The following PPP1R12A variants were observed in gnomAD, a reference collection of about 807,000 sequenced individuals.
PPP1R12A encodes myosin binding subunit.
A neutral mutation model predicts 139.6 loss-of-function variants in PPP1R12A; 19 were observed. That is an observed-to-expected ratio of 0.14 (90% CI 0.09 to 0.20). The LOEUF (loss-of-function observed/expected upper bound fraction) is 0.20. Ranked by LOEUF, PPP1R12A falls within the 10% of genes least tolerant of loss-of-function variation. The probability of loss-of-function intolerance (pLI) is 1.00; values close to 1 mark genes in which losing one functional copy is unlikely to be tolerated. For missense variants in PPP1R12A, 925 were observed against 1,211.5 expected, an observed-to-expected ratio of 0.76 and a Z score of 3.51; for synonymous variants, 427 against 420.6, an observed-to-expected ratio of 1.02 and a Z score of -0.19.
At chr12:79,869,683 T>C (rs970200484) in intron 2 of PPP1R12A, among the ~76,000 whole-genome samples, 5 of 152,134 alleles carry the variant, frequency 3.3e-5, no homozygotes, top group Admixed American at 2.0e-4. Flanking sequence ...GTGAAAAATG[T>C]GAAGTGGAAT....
chr12:79,897,181 T>C (rs1885205945), intron 1 of PPP1R12A, among the ~76,000 whole-genome samples: 1 of 152,166 alleles, frequency 6.6e-6, no homozygotes, highest in Non-Finnish European at 1.5e-5. Flanking sequence ...GTATTAAACA[T>C]ACACACCATG....
At chr12:79,853,413 C>T (rs1185343861) in intron 2 of PPP1R12A, among the ~76,000 whole-genome samples, 4 of 152,174 alleles carry the variant, frequency 2.6e-5, no homozygotes, top group African/African-American at 9.7e-5. Flanking sequence ...CTTATTCTCT[C>T]CACCTTTCAG....
chr12:79,815,862 T>C (rs1381080751), intron 9 of PPP1R12A, among the ~76,000 whole-genome samples: 1 of 152,170 alleles, frequency 6.6e-6, no homozygotes, highest in Admixed American at 6.5e-5. Context: ...GATAAGTCAT[T>C]CATAGTTTCT....
intron 1 of PPP1R12A, among the ~76,000 whole-genome samples, chr12:79,889,300 G>C (rs1040677502): frequency 1.3e-5 from 2 of 152,142 alleles, no homozygotes; most frequent in East Asian, 1.9e-4. Context: ...CCTAGTAAAT[G>C]AATGTCACAG....
At chr12:79,868,498 C>G (rs1882226398) in intron 2 of PPP1R12A, among the ~76,000 whole-genome samples, 1 of 150,772 alleles carries the variant, frequency 6.6e-6, no homozygotes, top group South Asian at 2.1e-4. Context: ...TCTCACAGTT[C>G]TGGTGCCTAG....
At chr12:79,800,035 G>A (rs1248647564) in intron 14 of PPP1R12A, among the ~76,000 whole-genome samples, 1 of 152,012 alleles carries the variant, frequency 6.6e-6, no homozygotes, top group Non-Finnish European at 1.5e-5. Flanking sequence ...AGTCAAACAA[G>A]CAAAGATATG....
chr12:79,923,938 G>T (rs1887637288), intron 1 of PPP1R12A, among the ~76,000 whole-genome samples: 1 of 152,102 alleles, frequency 6.6e-6, no homozygotes, highest in African/African-American at 2.4e-5. Flanking sequence ...CAGCTACTCG[G>T]GAGGCTGAGG....
chr12:79,924,877 C>T (rs1218470736), intron 1 of PPP1R12A, among the ~76,000 whole-genome samples: 1 of 152,086 alleles, frequency 6.6e-6, no homozygotes, highest in Non-Finnish European at 1.5e-5. Flanking sequence ...ATCCACACAA[C>T]GTAAAGAGTT....
At chr12:79,831,817 C>G (rs1325164272) in intron 4 of PPP1R12A, among the ~76,000 whole-genome samples, 1 of 152,178 alleles carries the variant, frequency 6.6e-6, no homozygotes, top group Admixed American at 6.6e-5. Context: ...AAACAATATA[C>G]AGCCCTGTAG....
chr12:79,812,213 A>G (rs1267941858), intron 9 of PPP1R12A, among the ~76,000 whole-genome samples: 1 of 152,164 alleles, frequency 6.6e-6, no homozygotes, highest in Non-Finnish European at 1.5e-5. Context: ...GTACTGCTTT[A>G]TATGTCTAAA....
At chr12:79,850,894 T>C (rs1879965476) in intron 2 of PPP1R12A, among the ~76,000 whole-genome samples, 1 of 152,184 alleles carries the variant, frequency 6.6e-6, no homozygotes, top group South Asian at 2.1e-4. Context: ...CCTTCTGCCA[T>C]AATTCTAAGT....
chr12:79,933,735 G>A (rs1327264950), intron 1 of PPP1R12A, among the ~76,000 whole-genome samples: 1 of 152,200 alleles, frequency 6.6e-6, no homozygotes, highest in African/African-American at 2.4e-5. Context: ...TCTCTGGATT[G>A]CCAATAGTTT....
At position 79,812,391 on chromosome 12, in the gene PPP1R12A, CGTGT is replaced by C. The variant is rs1156924649; in HGVS notation, c.1240-2385_1240-2382del. On this transcript the variant is annotated intron_variant, in intron 9 of 24. Coordinates refer to ENST00000450142, the MANE Select transcript of PPP1R12A (RefSeq NM_002480.3). ...CTTTTCTTGACTGACTCTGTGTGTGCGTGTGTGTGTGTGTGTGTGTGTGTGTGTG... is the reference window on the plus strand; with the variant it reads ...CTTTTCTTGACTGACTCTGTGTGTGCGTGTGTGTGTGTGTGTGTGTGTGTG... Among the ~76,000 whole-genome samples the C allele has an allele frequency of 1.2e-3, 159 of 134,604 alleles. 3 individuals carry two copies. The highest frequency in any genetic ancestry group is 3.8e-3 in the African/African-American group (133 of 35,196). The allele number at this position is 134,604 out of a possible 152,430, so 88.3% of individuals were successfully genotyped here. A position where few individuals can be genotyped will look rare whatever the true frequency, so the allele number is the denominator to read the frequency against.
intron 22 of PPP1R12A, among the ~76,000 whole-genome samples, chr12:79,784,588 A>G (rs1870879326): frequency 6.6e-6 from 1 of 152,210 alleles, no homozygotes; most frequent in South Asian, 2.1e-4. Flanking sequence ...GGAGACACAG[A>G]TGAGCTGAGT....
In PPP1R12A at chr12:79,774,076, T is replaced by TAAC; in HGVS notation, c.*1850_*1852dup. The TAAC allele has an allele frequency of 6.6e-6, 1 of 152,288 alleles. No individual in the cohort carries two copies. Among genetic ancestry groups the TAAC allele is most frequent in the East Asian group, 1.9e-4 (1 of 5,174 alleles). The allele number at this position is 152,288 out of a possible 1,614,324, so 9.4% of individuals were successfully genotyped here. On this transcript the variant is annotated 3_prime_UTR_variant, in exon 25 of 25. Coordinates refer to ENST00000450142, the MANE Select transcript of PPP1R12A (RefSeq NM_002480.3). ...TCACAAATATAAACCATAGCATGCC[T>TAAC]AACTGTTGTGCAACCAGAACATGTT...
At chr12:79,910,837 T>C (rs753084225) in intron 1 of PPP1R12A, among the ~76,000 whole-genome samples, 32 of 152,196 alleles carry the variant, frequency 2.1e-4, no homozygotes, top group Non-Finnish European at 4.3e-4. Flanking sequence ...TATTACTGAT[T>C]TGAAAAGGGA....
At chr12:79,794,061 C>G in intron 18 of PPP1R12A, 133 bp from the exon 19 acceptor site, 1 of 628,342 alleles carries the variant, frequency 1.6e-6, no homozygotes, top group Non-Finnish European at 2.6e-6. Flanking sequence ...AATGAGATGT[C>G]TAGGATTTTC....
At chr12:79,847,537 T>C (rs1268442310) in intron 2 of PPP1R12A, among the ~76,000 whole-genome samples, 3 of 152,186 alleles carry the variant, frequency 2.0e-5, no homozygotes, top group Non-Finnish European at 4.4e-5. Flanking sequence ...ATTTCAAACG[T>C]ATTCATTAAT....
intron 19 of PPP1R12A, among the ~76,000 whole-genome samples, chr12:79,791,340 A>G (rs1177280356): frequency 2.6e-5 from 4 of 152,118 alleles, no homozygotes; most frequent in African/African-American, 7.2e-5. Flanking sequence ...TATTATTACT[A>G]TTTTTGAGAT....
Sources: allele counts gnomAD v4.1 joint callset (sites outside exome capture counted in the v4.1 genomes callset), GRCh38; gene constraint gnomAD v4.1.1; transcripts MANE v1.5; gene names NCBI Gene and HGNC (gene_info 2026-07-23, HGNC 2026-07-21).